The following CLEC12B variants were observed in gnomAD, a reference collection of about 807,000 sequenced individuals.
The protein encoded by CLEC12B is macrophage antigen h.
In CLEC12B, 25 loss-of-function variants were observed where a neutral mutation model predicts 36.1. That is an observed-to-expected ratio of 0.69 (90% CI 0.50 to 0.97). The LOEUF is 0.97. Ranked by LOEUF, CLEC12B falls within the 50% of genes least tolerant of loss-of-function variation. CLEC12B has a pLI of 0.00. For missense variants in CLEC12B, 325 were observed against 318.4 expected (o/e 1.02, Z -0.16); for synonymous variants, 110 against 108.5 (o/e 1.01, Z -0.09).
chr12:10,012,844 C>T lies in CLEC12B; in HGVS notation c.151C>T (p.Leu51=). The change falls in exon 2 of 6, where the codon CTG becomes TTG. Residue 51 remains leucine, a synonymous_variant. Transcript: ENST00000338896. ...HAALGLVTLC[L]MLLIGLVTLG... ...TGCTCTGGGTCTGGTAACTCTTTGC[C>T]TGATGTTGCTGATTGGGCTGGTGAC... The T allele has an allele frequency of 1.2e-6, 2 of 1,613,840 alleles. No individual in the cohort carries two copies. Among genetic ancestry groups the T allele is most frequent in the Non-Finnish European group, 1.7e-6 (2 of 1,179,836 alleles).
Position 10,015,707 on chromosome 12 carries a change from C to T in CLEC12B, c.660C>T (p.Gly220=). ...GCAGAAGTTGGTTCTGGGAAGATGG[C>T]TCTGTTCCCTCTCCATCCTTGTACG... The part of the protein sequence containing the change: ...SSGRSWFWED[G]SVPSPSLFST... The change falls in exon 5 of 6, where the codon GGC becomes GGT. Residue 220 remains glycine, a synonymous_variant. Transcript: ENST00000338896. The T allele has an allele frequency of 6.2e-7, 1 of 1,613,668 alleles. No homozygotes were observed. The highest frequency in any genetic ancestry group is 8.5e-7 in the Non-Finnish European group (1 of 1,179,670).
upstream of CLEC12B, among the ~76,000 whole-genome samples, chr12:10,008,343 T>A (rs545920601): frequency 6.6e-6 from 1 of 152,194 alleles, no homozygotes; most frequent in African/African-American, 2.4e-5. Context: ...GGGTGACTGA[T>A]TTTTGTGTGT....
rs541999661 is a variant in CLEC12B at position 10,014,801 on chromosome 12, A to G, written c.409+60A>G. 3.5e-5 allele frequency: 40 copies of G among 1,149,616 alleles called. No homozygotes were observed. The East Asian group carries it at 9.2e-4, about 26-fold the overall frequency. The allele number at this position is 1,149,616 out of a possible 1,614,324, so 71.2% of individuals were successfully genotyped here. A position where few individuals can be genotyped will look rare whatever the true frequency, so the allele number is the denominator to read the frequency against. On this transcript the variant is annotated intron_variant, in intron 3 of 5. Transcript: ENST00000338896. Reference sequence around the variant, plus strand: ...GCATATGTTATCCTGGTCTAAGTTGATCACATGTACCACCTAAGAGTATTG... The same window carrying G: ...GCATATGTTATCCTGGTCTAAGTTGGTCACATGTACCACCTAAGAGTATTG...
intron 5 of CLEC12B, chr12:10,016,482 T>C (rs1865489774): frequency 4.8e-6 from 1 of 206,912 alleles, no homozygotes; most frequent in Non-Finnish European, 8.5e-6. Context: ...TTAGGTTTGC[T>C]AAATTCTTTC....
At chr12:10,015,918 T>G (rs1865474987) in intron 5 of CLEC12B, 191 bp downstream of exon 5, 1 of 1,391,622 alleles carries the variant, frequency 7.2e-7, no homozygotes, top group African/African-American at 1.5e-5. Flanking sequence ...AGCAAGGCAC[T>G]GAATTTTATC....
At chr12:10,016,567 A>AT in intron 5 of CLEC12B, 1 of 282,250 alleles carries the variant, frequency 3.5e-6, no homozygotes, top group Non-Finnish European at 5.3e-6. Flanking sequence ...CTGTATTAAT[A>AT]TTTTAAATAT....
chr12:10,011,891 A>G lies in CLEC12B; in HGVS notation c.92-894A>G, dbSNP rs776629761. Among the ~76,000 whole-genome samples, 40 of 152,230 alleles carry G rather than the reference A, an allele frequency of 2.6e-4. 1 individual carries two copies. Among genetic ancestry groups the G allele is most frequent in the Non-Finnish European group, 1.2e-4 (8 of 68,034 alleles). On this transcript the variant is annotated intron_variant, in intron 1 of 5. Transcript: ENST00000338896. ...AATTCTAATTCTAACCTGTGAGGAAAAAGGAGGTGTGGATATGGTGCATAT... is the reference window on the plus strand; with the variant it reads ...AATTCTAATTCTAACCTGTGAGGAAGAAGGAGGTGTGGATATGGTGCATAT...
upstream of CLEC12B, among the ~76,000 whole-genome samples, chr12:10,006,457 G>GTT (rs139343460): frequency 0.035 from 5,208 of 149,056 alleles, 118 homozygotes; most frequent in Middle Eastern, 0.066. Context: ...TCCAGGATAA[G>GTT]TTTTTTGTTT....
chr12:10,009,002 C>T (rs1865264010), upstream of CLEC12B, among the ~76,000 whole-genome samples: 1 of 152,052 alleles, frequency 6.6e-6, no homozygotes, highest in Non-Finnish European at 1.5e-5. Context: ...TAAAACGCAC[C>T]GATCAGCGCT....
intron 5 of CLEC12B, chr12:10,017,495 G>C (rs1415193574): frequency 9.1e-6 from 9 of 985,156 alleles, no homozygotes; most frequent in Non-Finnish European, 1.1e-5. Context: ...GGAGGAGGTG[G>C]CCCCCACAGC....
At chr12:10,010,040 T>A (rs1186159625), upstream of CLEC12B, among the ~76,000 whole-genome samples, 1 of 152,224 alleles carries the variant, frequency 6.6e-6, no homozygotes, top group Non-Finnish European at 1.5e-5. Context: ...CCATGGTTGT[T>A]GTTCTGTTAG....
At chr12:10,015,824 A>G in intron 5 of CLEC12B, 97 bp downstream of exon 5, 1 of 1,583,634 alleles carries the variant, frequency 6.3e-7, no homozygotes, top group Middle Eastern at 1.7e-4. Context: ...ACATAAAAAG[A>G]GGAGTACAAC....
At chr12:10,014,369 T>A (rs75760197) in intron 2 of CLEC12B, among the ~76,000 whole-genome samples, 154 bp from the exon 3 acceptor site, 4,314 of 152,280 alleles carry the variant, frequency 0.028, 138 homozygotes, top group African/African-American at 0.062. Flanking sequence ...TAATTTGGAA[T>A]AGAAAGGCAT....
chr12:10,008,723 C>G (rs1302938241), upstream of CLEC12B, among the ~76,000 whole-genome samples: 1 of 152,142 alleles, frequency 6.6e-6, no homozygotes, highest in Non-Finnish European at 1.5e-5. Context: ...TGTTATCAAT[C>G]TTCTCTTAGA....
chr12:10,009,337 G>A (rs115017613), upstream of CLEC12B, among the ~76,000 whole-genome samples: 988 of 152,024 alleles, frequency 6.5e-3, 17 homozygotes, highest in African/African-American at 0.022. Context: ...AACCAACTCC[G>A]GACACGGACC....
chr12:10,008,764 C>T (rs537681958), upstream of CLEC12B, among the ~76,000 whole-genome samples: 1 of 152,318 alleles, frequency 6.6e-6, no homozygotes, highest in Admixed American at 6.5e-5. Context: ...CATTCTTCAT[C>T]ATTGTTCAAG....
At position 10,012,821 on chromosome 12, in the gene CLEC12B, C is replaced by T. The variant is rs1212863136; in HGVS notation, c.128C>T (p.Ala43Val). The T allele has an allele frequency of 1.9e-6, 3 of 1,613,788 alleles. No individual in the cohort carries two copies. Among genetic ancestry groups the T allele is most frequent in the African/African-American group, 1.3e-5 (1 of 75,034 alleles). ...CCATCTCCCATTTGGCGTCATGCTG[C>T]TCTGGGTCTGGTAACTCTTTGCCTG... ...PAPSPIWRHA[A>V]LGLVTLCLML... The change falls in exon 2 of 6, where the codon GCT becomes GTT. Residue 43 changes from alanine to valine, a missense_variant. Coordinates refer to ENST00000338896, the MANE Select transcript of CLEC12B (RefSeq NM_001129998.3).
At chr12:10,014,074 T>C (rs1018642636) in intron 2 of CLEC12B, among the ~76,000 whole-genome samples, 1 of 152,168 alleles carries the variant, frequency 6.6e-6, no homozygotes, top group East Asian at 1.9e-4. Context: ...TGGTCTGATA[T>C]GCCATTAAGA....
At chr12:10,012,759 C>A in intron 1 of CLEC12B, 26 bp from the exon 2 acceptor site, 4 of 1,573,622 alleles carry the variant, frequency 2.5e-6, no homozygotes, top group Non-Finnish European at 3.5e-6. Flanking sequence ...GTTCTGTGTG[C>A]TGATTGCTCT....
Sources: allele counts gnomAD v4.1 joint callset (sites outside exome capture counted in the v4.1 genomes callset), GRCh38; gene constraint gnomAD v4.1.1; transcripts MANE v1.5; gene names NCBI Gene and HGNC (gene_info 2026-07-23, HGNC 2026-07-21).